The following EXD1 variants were observed in gnomAD, a reference collection of about 807,000 sequenced individuals.
The protein encoded by EXD1 is piRNA biogenesis protein EXD1.
In EXD1, 63 loss-of-function variants were observed where a neutral mutation model predicts 49.1. That is an observed-to-expected ratio of 1.28 (90% CI 1.05 to 1.58). The LOEUF is 1.58. Among genes scored for constraint, EXD1 ranks in the 40% most tolerant of loss-of-function variants. The pLI is 0.00. For synonymous variants in EXD1, 234 were observed against 239.2 expected, an observed-to-expected ratio of 0.98 and a Z score of 0.20; for missense variants, 748 against 666.0, an observed-to-expected ratio of 1.12 and a Z score of -1.36.
chr15:41,194,875 T>C (rs910236659), intron 9 of EXD1, among the ~76,000 whole-genome samples: 8 of 152,150 alleles, frequency 5.3e-5, no homozygotes, highest in Admixed American at 1.3e-4. Flanking sequence ...TATAAGTAGA[T>C]ACATAAACAG....
In EXD1 at chr15:41,220,393, C is replaced by T. The variant is rs144624620; in HGVS notation, c.134-495G>A. 9.2e-3 allele frequency among the ~76,000 whole-genome samples: 1,400 copies of T among 152,112 alleles called. 13 individuals carry two copies. The highest frequency in any genetic ancestry group is 0.015 in the Non-Finnish European group (1,049 of 67,996). Reference sequence around the variant, plus strand: ...TCAAGCAATTCTCCTGCCTCAGCCTCCCGAGTAGCTCGGACTACAGGCACG... The same window carrying T: ...TCAAGCAATTCTCCTGCCTCAGCCTTCCGAGTAGCTCGGACTACAGGCACG... On this transcript the variant is annotated intron_variant, in intron 2 of 11. Transcript: ENST00000458580.
chr15:41,191,400 T>C, intron 10 of EXD1, 42 bp downstream of exon 10: 2 of 1,565,156 alleles, frequency 1.3e-6, no homozygotes, highest in Non-Finnish European at 1.7e-6. Flanking sequence ...CAGAAAACAC[T>C]TGAAAAAAAA....
chr15:41,226,380 G>T, intron 2 of EXD1, 63 bp downstream of exon 2: 1 of 1,455,684 alleles, frequency 6.9e-7, no homozygotes, highest in Non-Finnish European at 9.3e-7. Flanking sequence ...CACTAATGGA[G>T]CCCACTGAAA....
rs940380861 is a variant in EXD1, at chr15:41,188,177, C to CT, written c.1056+1759dup. Among the ~76,000 whole-genome samples the CT allele has an allele frequency of 1.1e-3, 158 of 149,672 alleles. 2 individuals are homozygous for CT. The highest frequency in any genetic ancestry group is 3.5e-3 in the African/African-American group (142 of 40,900). ...ATAGTCTCATATACTACTTCTACTA[C>CT]TTTTTTTTTTAACAATACTTTAAAA... is the stretch of plus-strand genomic sequence containing the variant. On this transcript the variant is annotated intron_variant, in intron 11 of 11. Transcript: ENST00000458580.
In EXD1 at chr15:41,183,521, T is replaced by C. The variant is rs113079417; in HGVS notation, c.*410A>G. ...AAAAAGTACTGGTAAAGTTATCAGG[T>C]ACCAATTTTTTAAATGAATTGTTAA... is the stretch of plus-strand genomic sequence containing the variant. On this transcript the variant is annotated 3_prime_UTR_variant, in exon 12 of 12. Coordinates refer to ENST00000458580, the MANE Select transcript of EXD1 (RefSeq NM_001286441.2). 3.4e-3 allele frequency: 539 copies of C among 156,672 alleles called. 6 individuals are homozygous for C. Among genetic ancestry groups the C allele is most frequent in the African/African-American group, 0.012 (491 of 41,704 alleles). 9.7% of individuals were successfully genotyped at this position (156,672 alleles called of 1,614,324 possible).
intron 9 of EXD1, 82 bp from the exon 10 acceptor site, chr15:41,191,667 G>A: frequency 1.5e-6 from 2 of 1,329,152 alleles, no homozygotes; most frequent in Non-Finnish European, 2.1e-6. Flanking sequence ...TTAGAGAAAT[G>A]TCTAAATAAC....
In EXD1 at chr15:41,230,427, C is replaced by T. The variant is rs377201668; in HGVS notation, c.-54+52G>A. The T allele has an allele frequency of 2.5e-4, 388 of 1,577,140 alleles. 1 individual carries two copies. Among genetic ancestry groups the T allele is most frequent in the Middle Eastern group, 1.0e-3 (6 of 5,986 alleles). ...AACAATACACCATGAGAATAAAATG[C>T]AAAATTTCTCATTTTTAAGACAAAA... On this transcript the variant is annotated intron_variant, in intron 1 of 11. Transcript: ENST00000458580.
At chr15:41,212,504 T>C (rs1033484233) in intron 6 of EXD1, among the ~76,000 whole-genome samples, 1 of 151,862 alleles carries the variant, frequency 6.6e-6, no homozygotes, top group Non-Finnish European at 1.5e-5. Context: ...AAATGTAAAA[T>C]AGTGCAACAG....
chr15:41,229,336 G>C (rs1232648265), intron 1 of EXD1, among the ~76,000 whole-genome samples: 1 of 151,676 alleles, frequency 6.6e-6, no homozygotes, highest in Non-Finnish European at 1.5e-5. Context: ...AAATTAGCTG[G>C]GCGTGGTGGC....
At chr15:41,191,901 C>G (rs983823465) in intron 9 of EXD1, 1 of 218,434 alleles carries the variant, frequency 4.6e-6, no homozygotes, top group Non-Finnish European at 9.0e-6. Flanking sequence ...CTCAGCCACC[C>G]GAGTAGCTGG....
Position 41,195,846 on chromosome 15 carries a change from C to A in EXD1, c.649G>T (p.Asp217Tyr), listed in dbSNP as rs189765155. The change falls in exon 9 of 12, where the codon GAT (aspartate) becomes TAT (tyrosine). Residue 217 changes from aspartate to tyrosine, a missense_variant. Transcript: ENST00000458580. ...EDKRILKVIH[D>Y]CRWLSDCLSH... ...AGGCAATCAGAAAGCCAACGACAAT[C>A]ATGGATAACCTAAGGAATCAGAAGG... The A allele has an allele frequency of 2.4e-4, 393 of 1,613,230 alleles. 1 individual carries two copies. Among genetic ancestry groups the A allele is most frequent in the Non-Finnish European group, 8.3e-5 (98 of 1,179,842 alleles).
chr15:41,195,933 C>T lies in EXD1; in HGVS notation c.639G>A (p.Lys213=), dbSNP rs1181153773. Reference sequence around the variant, plus strand: ...CACAGGAATCAGTTTATATACTTACCTTCAAAATTCTCTTGTCTTCTAGTA... The same window carrying T: ...CACAGGAATCAGTTTATATACTTACTTTCAAAATTCTCTTGTCTTCTAGTA... ...QMILEDKRIL[K]VIHDCRWLSD... is the part of the protein sequence containing the mutation. The change falls in exon 8 of 12, where the codon AAG becomes AAA. Residue 213 remains lysine (K), a splice_region_variant and synonymous_variant. Coordinates refer to ENST00000458580, the MANE Select transcript of EXD1 (RefSeq NM_001286441.2). The T allele has an allele frequency of 9.3e-6, 15 of 1,609,734 alleles. No homozygotes were observed. Among genetic ancestry groups the T allele is most frequent in the Non-Finnish European group, 1.2e-5 (14 of 1,178,058 alleles).
At chr15:41,210,417 C>T (rs12148833) in intron 6 of EXD1, among the ~76,000 whole-genome samples, 19,195 of 152,162 alleles carry the variant, frequency 0.13, 1,402 homozygotes, top group South Asian at 0.27. Context: ...AGTGGCTGGG[C>T]GCAGTGGCTC....
At chr15:41,188,513 C>G (rs2046451761) in intron 11 of EXD1, among the ~76,000 whole-genome samples, 1 of 150,888 alleles carries the variant, frequency 6.6e-6, no homozygotes, top group Non-Finnish European at 1.5e-5. Context: ...CTGCCTCAGG[C>G]TCCCAAGTAG....
chr15:41,216,798 A>G lies in EXD1; in HGVS notation c.261-3T>C. On this transcript the variant is annotated splice_polypyrimidine_tract_variant and splice_region_variant and intron_variant, in intron 4 of 11. Coordinates refer to ENST00000458580, the MANE Select transcript of EXD1 (RefSeq NM_001286441.2). ...TCCAGGTTCTTTCTGCATGTAGACT[A>G]TCCTTACAAGAAACAATATTTGGGT... The G allele has an allele frequency of 6.2e-7, 1 of 1,611,378 alleles. No homozygotes were observed. Among genetic ancestry groups the G allele is most frequent in the Non-Finnish European group, 8.5e-7 (1 of 1,179,542 alleles).
intron 7 of EXD1, among the ~76,000 whole-genome samples, chr15:41,207,626 C>A (rs1025463993): frequency 6.6e-6 from 1 of 150,448 alleles, no homozygotes; most frequent in African/African-American, 2.4e-5. Context: ...TGATTTTTTT[C>A]TTTTGCTTTT....
chr15:41,221,335 A>T (rs1179295758), intron 2 of EXD1, among the ~76,000 whole-genome samples: 1 of 152,166 alleles, frequency 6.6e-6, no homozygotes, highest in Non-Finnish European at 1.5e-5. Flanking sequence ...GCAGTGGCAC[A>T]ATCCTAGCTC....
At chr15:41,216,559 A>G (rs1595454467) in intron 5 of EXD1, 109 bp downstream of exon 5, 1 of 1,103,154 alleles carries the variant, frequency 9.1e-7, no homozygotes, top group African/African-American at 1.6e-5. Context: ...TGAATCCAGG[A>G]GGTGGAGGTT....
chr15:41,228,867 T>A (rs2047197730), intron 1 of EXD1, among the ~76,000 whole-genome samples: 1 of 151,450 alleles, frequency 6.6e-6, no homozygotes, highest in Admixed American at 6.6e-5. Flanking sequence ...ATAAGAGAAT[T>A]AGAGAAACAT....
Sources: allele counts gnomAD v4.1 joint callset (sites outside exome capture counted in the v4.1 genomes callset), GRCh38; gene constraint gnomAD v4.1.1; transcripts MANE v1.5; gene names NCBI Gene and HGNC (gene_info 2026-07-23, HGNC 2026-07-21).